VPS37A: variants seen among roughly 807,000 people sequenced by gnomAD.
VPS37A encodes the protein VPS37A subunit of ESCRT-I, also known as vacuolar protein sorting-associated protein 37A.
Under a neutral mutation model 49.8 loss-of-function variants are expected in VPS37A, and 30 were observed. The ratio of observed to expected loss-of-function variants is 0.60; its 90% CI spans 0.45 to 0.82. The LOEUF is 0.82. Ranked by LOEUF, VPS37A falls within the 40% of genes least tolerant of loss-of-function variation. The pLI, the probability that VPS37A is intolerant of heterozygous loss-of-function variation, is 0.00. For missense variants in VPS37A, 593 were observed against 464.4 expected (o/e 1.28, Z -2.55); for synonymous variants, 195 against 160.6 (o/e 1.21, Z -1.62).
At chr8:17,247,764 C>T (rs778444884) in intron 1 of VPS37A, 15 of 702,452 alleles carry the variant, frequency 2.1e-5, no homozygotes, top group Non-Finnish European at 2.6e-6. Context: ...AGAGTAATCT[C>T]CAGGTTTCAC....
At chr8:17,293,304 T>C (rs145149570) in intron 11 of VPS37A, among the ~76,000 whole-genome samples, 1 of 151,976 alleles carries the variant, frequency 6.6e-6, no homozygotes, top group East Asian at 1.9e-4. Flanking sequence ...TTCCATCAGG[T>C]AGGTCATTTA....
chr8:17,323,980 G>A, the VPS37A span, among the ~76,000 whole-genome samples: 360 of 152,216 alleles, frequency 2.4e-3, 2 homozygotes, highest in African/African-American at 7.9e-3. Flanking sequence ...ATAAAACATC[G>A]CTGAGAGAAA....
the VPS37A span, chr8:17,311,532 G>C: frequency 1.2e-6 from 2 of 1,614,120 alleles, no homozygotes; most frequent in Non-Finnish European, 1.7e-6. Flanking sequence ...TCAGAGTCCG[G>C]TAGTGAGGGT....
intron 2 of VPS37A, among the ~76,000 whole-genome samples, chr8:17,268,056 G>A (rs1444299326): frequency 3.9e-5 from 6 of 152,102 alleles, no homozygotes; most frequent in East Asian, 1.9e-4. Context: ...ATTTTACTGC[G>A]TTGAATGACT....
downstream of VPS37A, chr8:17,299,832 T>A: frequency 6.2e-7 from 1 of 1,611,308 alleles, no homozygotes; most frequent in Non-Finnish European, 8.5e-7. Flanking sequence ...TGCTTATGTG[T>A]CCTTTACTTT....
intron 1 of VPS37A, among the ~76,000 whole-genome samples, chr8:17,250,484 T>G (rs1486184504): frequency 6.6e-6 from 1 of 152,226 alleles, no homozygotes; most frequent in Admixed American, 6.5e-5. Flanking sequence ...CAATATCTTG[T>G]TACATGCTGT....
chr8:17,276,206 A>T (rs1432407670), intron 5 of VPS37A, among the ~76,000 whole-genome samples, 191 bp from the exon 6 acceptor site: 1 of 152,140 alleles, frequency 6.6e-6, no homozygotes, highest in African/African-American at 2.4e-5. Flanking sequence ...AAGTAATCCT[A>T]TGTATACGAC....
Position 17,265,607 on chromosome 8 carries a change from T to A in VPS37A, c.126-300T>A, listed in dbSNP as rs73669047. Reference sequence around the variant, plus strand: ...CCGGAGAGCACACAATTGCTTCTGCTAATGGTAAATTGGATAGAGTGATAG... The same window carrying A: ...CCGGAGAGCACACAATTGCTTCTGCAAATGGTAAATTGGATAGAGTGATAG... On this transcript the variant is annotated intron_variant, in intron 1 of 11. Transcript: ENST00000324849. Among the ~76,000 whole-genome samples the A allele has an allele frequency of 7.0e-3, 1,071 of 152,336 alleles. 22 individuals are homozygous for A. The highest frequency in any genetic ancestry group is 0.024 in the African/African-American group (1,017 of 41,558).
Position 17,274,831 on chromosome 8 carries a change from C to G in VPS37A, c.515C>G (p.Ser172Cys). 1 of 1,614,170 alleles carries G rather than the reference C, an allele frequency of 6.2e-7. No individual in the cohort carries two copies. Among genetic ancestry groups the G allele is most frequent in the Non-Finnish European group, 8.5e-7 (1 of 1,180,024 alleles). ...CAAGAAGCAAACAGGAGTATCACTT[C>G]TTTATCTGTTGCTGACACTGTTTCT... Reference protein sequence around the residue: ...PPQEANRSITSLSVADTVSSS... With the variant: ...PPQEANRSITCLSVADTVSSS... The change falls in exon 5 of 12, where the codon TCT (serine) becomes TGT (cysteine). Residue 172 changes from serine to cysteine, a missense_variant. Coordinates refer to ENST00000324849, the MANE Select transcript of VPS37A (RefSeq NM_152415.3).
At chr8:17,255,435 A>G (rs1236499407) in intron 1 of VPS37A, among the ~76,000 whole-genome samples, 1 of 152,100 alleles carries the variant, frequency 6.6e-6, no homozygotes, top group Non-Finnish European at 1.5e-5. Context: ...GAGCTGAGAT[A>G]GTGACATTGC....
At chr8:17,248,395 C>G in intron 1 of VPS37A, 2 of 455,582 alleles carry the variant, frequency 4.4e-6, no homozygotes, top group South Asian at 1.5e-5. Flanking sequence ...TCCCCACACC[C>G]CTCCGAGTAG....
At chr8:17,332,420 A>G in the VPS37A span, among the ~76,000 whole-genome samples, 2 of 152,232 alleles carry the variant, frequency 1.3e-5, no homozygotes, top group South Asian at 2.1e-4. Context: ...GACTATCTCA[A>G]TAGGACAATG....
At position 17,274,963 on chromosome 8, in the gene VPS37A, G is replaced by C; in HGVS notation, c.642+5G>C. The C allele has an allele frequency of 6.2e-7, 1 of 1,611,960 alleles. No homozygotes were observed. Among genetic ancestry groups the C allele is most frequent in the Non-Finnish European group, 8.5e-7 (1 of 1,178,184 alleles). ...ACAGTGGATGCTTCAATACCGGTTG[G>C]TATCGTCAGTTATCTATATTTTGTG... On this transcript the variant is annotated splice_donor_5th_base_variant and intron_variant, in intron 5 of 11. Transcript: ENST00000324849.
At chr8:17,322,684 G>C in the VPS37A span, among the ~76,000 whole-genome samples, 1 of 152,072 alleles carries the variant, frequency 6.6e-6, no homozygotes, top group African/African-American at 2.4e-5. Context: ...AATTAGCTGG[G>C]TGTGGAGGTG....
chr8:17,302,907 C>T (rs1462561587), downstream of VPS37A, among the ~76,000 whole-genome samples: 2 of 151,846 alleles, frequency 1.3e-5, no homozygotes, highest in Non-Finnish European at 2.9e-5. Context: ...GACAGGGTTT[C>T]ACCATGTTGG....
At chr8:17,306,467 T>C (rs1817461884), downstream of VPS37A, among the ~76,000 whole-genome samples, 1 of 152,150 alleles carries the variant, frequency 6.6e-6, no homozygotes, top group African/African-American at 2.4e-5. Flanking sequence ...TCACGTGATT[T>C]ATTTCCATGT....
downstream of VPS37A, among the ~76,000 whole-genome samples, chr8:17,305,253 T>C (rs1016767715): frequency 6.6e-6 from 1 of 152,238 alleles, no homozygotes; most frequent in African/African-American, 2.4e-5. Flanking sequence ...AAAAATGTTC[T>C]CTCATGTATA....
intron 1 of VPS37A, among the ~76,000 whole-genome samples, chr8:17,262,648 A>G (rs1381066268): frequency 6.6e-6 from 1 of 152,050 alleles, no homozygotes; most frequent in African/African-American, 2.4e-5. Context: ...TATGGTTATA[A>G]GAATGTTTAT....
chr8:17,332,612 G>A, the VPS37A span, among the ~76,000 whole-genome samples: 9 of 152,304 alleles, frequency 5.9e-5, no homozygotes, highest in East Asian at 1.9e-4. Flanking sequence ...AGCTGCTGCC[G>A]CTGCTGCTGC....
Sources: allele counts gnomAD v4.1 joint callset (sites outside exome capture counted in the v4.1 genomes callset), GRCh38; gene constraint gnomAD v4.1.1; transcripts MANE v1.5; gene names NCBI Gene and HGNC (gene_info 2026-07-23, HGNC 2026-07-21).